Variants in DOP1A observed in about 807,000 individuals in gnomAD.
The protein encoded by DOP1A is protein DOP1A.
Under a neutral mutation model 267.6 loss-of-function variants are expected in DOP1A, and 90 were observed. That is an observed-to-expected ratio of 0.34 (90% CI 0.28 to 0.40). The LOEUF (loss-of-function observed/expected upper bound fraction) is 0.40. DOP1A is among the 10% of genes least tolerant of loss of function. DOP1A has a pLI of 1.00. For missense variants in DOP1A, 2,437 were observed against 2,900.4 expected (o/e 0.84, Z 3.67); for synonymous variants, 932 against 999.1 (o/e 0.93, Z 1.27).
chr6:83,154,845 A>G (rs185023616), intron 33 of DOP1A, among the ~76,000 whole-genome samples: 28 of 152,352 alleles, frequency 1.8e-4, no homozygotes, highest in Admixed American at 3.3e-4. Flanking sequence ...TAGCAGTAAC[A>G]TTGTATGATT....
rs1010995615 is a variant in DOP1A at position 83,091,421 on chromosome 6, TATATC to T, written c.-146-5308_-146-5304del. Among the ~76,000 whole-genome samples the T allele has an allele frequency of 6.0e-5, 9 of 149,254 alleles. No individual in the cohort carries two copies. In the South Asian group the frequency reaches 6.3e-4, roughly 11 times the overall value. ...TTGTTTTATATGTTTGATATAAACA[TATATC>T]AAACAAACAAGCTATATGAAGTCTT... On this transcript the variant is annotated intron_variant, in intron 1 of 38. Coordinates refer to ENST00000349129, the MANE Select transcript of DOP1A (RefSeq NM_015018.4).
At chr6:83,075,192 A>G (rs753139440) in intron 1 of DOP1A, among the ~76,000 whole-genome samples, 1 of 152,192 alleles carries the variant, frequency 6.6e-6, no homozygotes, top group Non-Finnish European at 1.5e-5. Flanking sequence ...CACTTAATTC[A>G]TTATTTTTAC....
At chr6:83,132,412 G>A in intron 18 of DOP1A, 84 bp downstream of exon 18, 7 of 1,380,806 alleles carry the variant, frequency 5.1e-6, no homozygotes, top group South Asian at 3.8e-5. Flanking sequence ...AAAACTTTAG[G>A]GAAATTATTG....
chr6:83,082,729 A>G (rs1768341174), intron 1 of DOP1A, among the ~76,000 whole-genome samples: 1 of 152,208 alleles, frequency 6.6e-6, no homozygotes, highest in African/African-American at 2.4e-5. Flanking sequence ...CAGTGTGTAT[A>G]TACTTCAAAA....
chr6:83,151,697 C>G, intron 28 of DOP1A, 38 bp downstream of exon 28: 3 of 1,558,068 alleles, frequency 1.9e-6, no homozygotes, highest in Non-Finnish European at 2.6e-6. Context: ...AACTGTTTCT[C>G]AGTGCCCTCA....
Position 83,137,158 on chromosome 6 carries a change from T to C in DOP1A, c.3131-15T>C. ...TTTGTATTTTTCTTCTTTTACTGTT[T>C]TTCTCATATATCAGTGAGCCAAGTA... On this transcript the variant is annotated splice_polypyrimidine_tract_variant and intron_variant, in intron 20 of 38. Coordinates refer to ENST00000349129, the MANE Select transcript of DOP1A (RefSeq NM_015018.4). The C allele has an allele frequency of 6.6e-7, 1 of 1,515,092 alleles. No individual in the cohort carries two copies. Among genetic ancestry groups the C allele is most frequent in the Non-Finnish European group, 8.8e-7 (1 of 1,133,162 alleles). The allele number at this position is 1,515,092 out of a possible 1,614,324, so 93.9% of individuals were successfully genotyped here. A position where few individuals can be genotyped will look rare whatever the true frequency, so the allele number is the denominator to read the frequency against.
intron 1 of DOP1A, among the ~76,000 whole-genome samples, chr6:83,078,037 G>A (rs1767431760): frequency 6.6e-6 from 1 of 152,320 alleles, no homozygotes; most frequent in South Asian, 2.1e-4. Context: ...GTATCATGCA[G>A]AGACATAGCA....
At chr6:83,107,541 C>A (rs1474483953) in intron 4 of DOP1A, among the ~76,000 whole-genome samples, 1 of 152,158 alleles carries the variant, frequency 6.6e-6, no homozygotes, top group Admixed American at 6.6e-5. Flanking sequence ...AAAATATAGT[C>A]ATGGTCCTTT....
chr6:83,114,569 C>T (rs1406225579), intron 7 of DOP1A, among the ~76,000 whole-genome samples: 1 of 152,168 alleles, frequency 6.6e-6, no homozygotes, highest in Non-Finnish European at 1.5e-5. Context: ...TGACTTTCCT[C>T]TTGAACTTTT....
At position 83,113,438 on chromosome 6, in the gene DOP1A, G is replaced by T. The variant is rs369575002; in HGVS notation, c.780+17G>T. 6.3e-7 allele frequency: 1 copy of T among 1,596,234 alleles called. No homozygotes were observed. Among genetic ancestry groups the T allele is most frequent in the African/African-American group, 1.3e-5 (1 of 74,686 alleles). The stretch of plus-strand genomic sequence containing the variant: ...ATGAGTCAGGTAAAATATTAACGCC[G>T]ATGTTATTATAAGGCATTCTTGGAA... On this transcript the variant is annotated intron_variant, in intron 7 of 38. Transcript: ENST00000349129.
intron 1 of DOP1A, among the ~76,000 whole-genome samples, chr6:83,093,783 G>T (rs1260900133): frequency 2.6e-5 from 4 of 152,176 alleles, no homozygotes; most frequent in Non-Finnish European, 4.4e-5. Flanking sequence ...CCAGGTGCCT[G>T]TAATCCCAGC....
chr6:83,105,847 C>T (rs1437409958), intron 4 of DOP1A, among the ~76,000 whole-genome samples: 2 of 152,186 alleles, frequency 1.3e-5, no homozygotes, highest in African/African-American at 2.4e-5. Context: ...ATGCCTGCTA[C>T]TTTCTAACTC....
At chr6:83,088,016 C>T (rs1365396176) in intron 1 of DOP1A, among the ~76,000 whole-genome samples, 2 of 152,066 alleles carry the variant, frequency 1.3e-5, no homozygotes. Context: ...GGACTACAGG[C>T]GCCTGCCGCC....
intron 1 of DOP1A, among the ~76,000 whole-genome samples, chr6:83,093,908 C>T (rs1034467276): frequency 2.6e-5 from 4 of 151,998 alleles, no homozygotes; most frequent in Non-Finnish European, 4.4e-5. Context: ...AGTGAGACTC[C>T]GTCTCAAAAA....
chr6:83,122,408 A>G (rs939186965), intron 11 of DOP1A, among the ~76,000 whole-genome samples: 7 of 151,878 alleles, frequency 4.6e-5, no homozygotes, highest in African/African-American at 1.7e-4. Context: ...TAAGAATAAT[A>G]ATTTGATTGA....
rs1782108545 is a variant in DOP1A at position 83,153,356 on chromosome 6, C to T, written c.6130-155C>T. The T allele has an allele frequency of 2.3e-5, 11 of 477,106 alleles. No individual in the cohort carries two copies. The South Asian group carries it at 5.0e-4, about 22-fold the overall frequency. 29.6% of individuals were successfully genotyped at this position (477,106 alleles called of 1,614,324 possible). On this transcript the variant is annotated intron_variant, in intron 30 of 38. Transcript: ENST00000349129. Reference sequence around the variant, plus strand: ...CAATGTACAAAAAAGCAGATGGTGGCAAAACTCATTAACATAAAAATGATT... The same window carrying T: ...CAATGTACAAAAAAGCAGATGGTGGTAAAACTCATTAACATAAAAATGATT...
At chr6:83,087,335 T>A (rs1286561173) in intron 1 of DOP1A, among the ~76,000 whole-genome samples, 2 of 152,214 alleles carry the variant, frequency 1.3e-5, no homozygotes, top group East Asian at 3.9e-4. Flanking sequence ...GAGTACCTGT[T>A]TGAAGTTTGT....
intron 36 of DOP1A, among the ~76,000 whole-genome samples, chr6:83,159,583 G>T (rs766938429): frequency 6.6e-6 from 1 of 152,098 alleles, no homozygotes; most frequent in Non-Finnish European, 1.5e-5. Context: ...AAGCCACTGC[G>T]CCCAGTCTAT....
intron 21 of DOP1A, 149 bp downstream of exon 21, chr6:83,139,311 TTTGAC>T: frequency 1.7e-6 from 1 of 595,828 alleles, no homozygotes; most frequent in Non-Finnish European, 2.9e-6. Context: ...AAAAAGAAAA[TTTGAC>T]TTGAGGAAGA....
Sources: allele counts gnomAD v4.1 joint callset (sites outside exome capture counted in the v4.1 genomes callset), GRCh38; gene constraint gnomAD v4.1.1; transcripts MANE v1.5; gene names NCBI Gene and HGNC (gene_info 2026-07-23, HGNC 2026-07-21).